Variants in KCNQ3 observed in about 807,000 individuals in gnomAD.
The protein encoded by KCNQ3 is potassium voltage-gated channel subfamily Q member 3, also known as potassium voltage-gated channel subfamily KQT member 3.
KCNQ3 carries 30 observed loss-of-function variants against 92.5 expected under a neutral mutation model. The ratio of observed to expected loss-of-function variants is 0.32; its 90% CI spans 0.24 to 0.44. The LOEUF is 0.44. Ranked by LOEUF, KCNQ3 falls within the 20% of genes least tolerant of loss-of-function variation. The probability of loss-of-function intolerance (pLI) is 1.00; values close to 1 mark genes in which losing one functional copy is unlikely to be tolerated. For missense variants in KCNQ3, 913 were observed against 1,140.3 expected, an observed-to-expected ratio of 0.80 and a Z score of 2.87; for synonymous variants, 450 against 468.8, an observed-to-expected ratio of 0.96 and a Z score of 0.52.
At chr8:132,183,670 A>G (rs1378854292) in intron 3 of KCNQ3, among the ~76,000 whole-genome samples, 1 of 152,216 alleles carries the variant, frequency 6.6e-6, no homozygotes, top group African/African-American at 2.4e-5. Flanking sequence ...GATTCCAGTG[A>G]CACCTCTCAA....
chr8:132,457,043 G>A (rs1311232803), intron 1 of KCNQ3, among the ~76,000 whole-genome samples: 1 of 152,206 alleles, frequency 6.6e-6, no homozygotes, highest in Non-Finnish European at 1.5e-5. Context: ...CTGAAGCCAG[G>A]AGCCTTAGGC....
At position 132,292,717 on chromosome 8, in the gene KCNQ3, C is replaced by T. The variant is rs1816893368; in HGVS notation, c.387-106536G>A. Among the ~76,000 whole-genome samples the T allele has an allele frequency of 2.6e-5, 4 of 152,294 alleles. No homozygotes were observed. In the South Asian group the frequency reaches 8.3e-4, roughly 32 times the overall value. On this transcript the variant is annotated intron_variant, in intron 1 of 14. Transcript: ENST00000388996. ...ATTGGTTTTCATCCATGGTTCCTGG[C>T]TCCTAACTCCCATAGTCCTTGTTAT...
chr8:132,276,836 C>T (rs1287505589), intron 1 of KCNQ3, among the ~76,000 whole-genome samples: 1 of 152,168 alleles, frequency 6.6e-6, no homozygotes, highest in African/African-American at 2.4e-5. Flanking sequence ...AGGTCATGTC[C>T]TAGTCTGTAC....
intron 1 of KCNQ3, among the ~76,000 whole-genome samples, chr8:132,392,486 T>C (rs1032358707): frequency 6.6e-6 from 1 of 152,082 alleles, no homozygotes; most frequent in African/African-American, 2.4e-5. Flanking sequence ...GGTCCTTACC[T>C]AGATGTTCTT....
At chr8:132,187,809 G>A (rs1422726537) in intron 1 of KCNQ3, among the ~76,000 whole-genome samples, 2 of 145,178 alleles carry the variant, frequency 1.4e-5, no homozygotes, top group Non-Finnish European at 3.0e-5. Context: ...TGATAGTGAT[G>A]GTGGTGGTGG....
chr8:132,206,189 G>T (rs1403255303), intron 1 of KCNQ3, among the ~76,000 whole-genome samples: 2 of 152,178 alleles, frequency 1.3e-5, no homozygotes, highest in African/African-American at 4.8e-5. Flanking sequence ...TAGAGCACCT[G>T]CTCTGGGTCA....
chr8:132,199,924 A>AG (rs1351642211), intron 1 of KCNQ3, among the ~76,000 whole-genome samples: 7 of 152,010 alleles, frequency 4.6e-5, no homozygotes. Flanking sequence ...AAAAAAAAAA[A>AG]AAAGTGTAAA....
At chr8:132,249,896 C>T (rs866340591) in intron 1 of KCNQ3, among the ~76,000 whole-genome samples, 15 of 152,314 alleles carry the variant, frequency 9.8e-5, no homozygotes, top group South Asian at 2.1e-4. Context: ...GCTCCTGGCC[C>T]AGGTACTAAG....
At chr8:132,333,523 AAAG>A (rs1311256480) in intron 1 of KCNQ3, among the ~76,000 whole-genome samples, 1 of 152,176 alleles carries the variant, frequency 6.6e-6, no homozygotes, top group Non-Finnish European at 1.5e-5. Context: ...ACAGAAATAC[AAAG>A]AAGAAAGAAA....
chr8:132,295,586 A>G (rs1816994099), intron 1 of KCNQ3, among the ~76,000 whole-genome samples: 1 of 152,244 alleles, frequency 6.6e-6, no homozygotes, highest in Non-Finnish European at 1.5e-5. Context: ...ATGCATGTGT[A>G]TGTTCATTGC....
chr8:132,171,917 A>T (rs1370202650), intron 7 of KCNQ3, among the ~76,000 whole-genome samples: 1 of 152,260 alleles, frequency 6.6e-6, no homozygotes, highest in East Asian at 1.9e-4. Context: ...GAACTCTGGG[A>T]GGCCAAAGCA....
chr8:132,245,218 A>T (rs1337415687), intron 1 of KCNQ3, among the ~76,000 whole-genome samples: 1 of 152,166 alleles, frequency 6.6e-6, no homozygotes, highest in Admixed American at 6.5e-5. Flanking sequence ...CACCCCAGGC[A>T]GTTGTAAGGG....
At chr8:132,179,432 C>T (rs781560067) in intron 4 of KCNQ3, among the ~76,000 whole-genome samples, 5 of 152,098 alleles carry the variant, frequency 3.3e-5, no homozygotes, top group Admixed American at 6.5e-5. Context: ...TATCCCACTG[C>T]GTGACCTTGA....
At chr8:132,250,348 G>C (rs952001414) in intron 1 of KCNQ3, among the ~76,000 whole-genome samples, 1 of 152,178 alleles carries the variant, frequency 6.6e-6, no homozygotes, top group African/African-American at 2.4e-5. Context: ...AACCTGGCTG[G>C]AAGGGTCTTC....
chr8:132,382,416 C>G (rs1324339890), intron 1 of KCNQ3, among the ~76,000 whole-genome samples: 2 of 152,174 alleles, frequency 1.3e-5, no homozygotes, highest in Non-Finnish European at 2.9e-5. Flanking sequence ...GCCTGTTCCC[C>G]TTCCCACTTC....
Position 132,285,565 on chromosome 8 carries a change from G to A in KCNQ3, c.387-99384C>T, listed in dbSNP as rs150219735. ...TATAACTGTTTACAGTGAGCTGCTA[G>A]AATACAGAGAAGCAGAGTGAAAAGA... On this transcript the variant is annotated intron_variant, in intron 1 of 14. Transcript: ENST00000388996. Among the ~76,000 whole-genome samples the A allele has an allele frequency of 8.5e-5, 13 of 152,328 alleles. No individual in the cohort carries two copies. The East Asian group carries it at 2.5e-3, about 29-fold the overall frequency.
chr8:132,144,388 GA>G lies in KCNQ3; in HGVS notation c.1263-3058del, dbSNP rs1198061185. ...CAAATGCAAGGCAAAGTTCACTGCT[GA>G]AACTCAAAACCCAACTCTGTTCTAC... On this transcript the variant is annotated intron_variant, in intron 9 of 14. Transcript: ENST00000388996. 2.6e-5 allele frequency among the ~76,000 whole-genome samples: 4 copies of G among 152,308 alleles called. No individual in the cohort carries two copies. In the East Asian group the frequency reaches 7.7e-4, roughly 29 times the overall value.
chr8:132,141,542 G>A (rs2130945138), intron 9 of KCNQ3, among the ~76,000 whole-genome samples: 1 of 152,312 alleles, frequency 6.6e-6, no homozygotes, highest in East Asian at 1.9e-4. Context: ...CCCTGGGCAA[G>A]ACTTCTCTGA....
intron 1 of KCNQ3, among the ~76,000 whole-genome samples, chr8:132,219,610 G>A (rs1157351225): frequency 6.6e-6 from 1 of 151,462 alleles, no homozygotes; most frequent in Non-Finnish European, 1.5e-5. Flanking sequence ...CTTTGCACCT[G>A]CAATTCTGCC....
Sources: gnomAD v4.1 joint callset for allele counts (sites outside exome capture counted in the v4.1 genomes callset) on GRCh38, gnomAD v4.1.1 for gene constraint, MANE v1.5 for transcripts, NCBI Gene and HGNC (gene_info 2026-07-23, HGNC 2026-07-21) for gene names.